The following DOCK4 variants were observed in gnomAD, a reference collection of about 807,000 sequenced individuals.
DOCK4 encodes the protein dedicator of cytokinesis 4.
In DOCK4, 97 loss-of-function variants were observed where a neutral mutation model predicts 268.1. The observed-to-expected ratio is 0.36, with a 90% CI of 0.31 to 0.43. The LOEUF (loss-of-function observed/expected upper bound fraction) is 0.43, where lower values mean the gene tolerates loss of function less well. DOCK4 is among the 20% of genes least tolerant of loss of function. The probability of loss-of-function intolerance (pLI) is 1.00; values close to 1 mark genes in which losing one functional copy is unlikely to be tolerated. For missense variants in DOCK4, 2,145 were observed against 2,455.7 expected (o/e 0.87, Z 2.67); for synonymous variants, 954 against 887.2 (o/e 1.08, Z -1.34).
At position 111,728,535 on chromosome 7, in the gene DOCK4, C is replaced by T; in HGVS notation, c.5667G>A (p.Val1889=). 1.2e-6 allele frequency: 2 copies of T among 1,613,744 alleles called. No homozygotes were observed. The highest frequency in any genetic ancestry group is 2.2e-5 in the South Asian group (2 of 91,076). The change falls in exon 53 of 53, where the codon GTG becomes GTA. Residue 1889 remains valine, a synonymous_variant. Transcript: ENST00000428084. ...NEQSAPLPVP[V]PVPVPSYGGE... ...CGCCGTAGCTCGGCACGGGCACCGG[C>T]ACTGGCACCGGCAGGGGGGCCGACT... is the stretch of plus-strand genomic sequence containing the variant.
chr7:111,744,679 TAAAA>T (rs1796148410), intron 44 of DOCK4, among the ~76,000 whole-genome samples: 2 of 152,298 alleles, frequency 1.3e-5, no homozygotes, highest in South Asian at 4.1e-4. Flanking sequence ...CACAGATCTT[TAAAA>T]ATCAATGAAG....
chr7:111,907,398 G>A (rs1791675803), intron 13 of DOCK4, among the ~76,000 whole-genome samples: 1 of 152,104 alleles, frequency 6.6e-6, no homozygotes, highest in Non-Finnish European at 1.5e-5. Flanking sequence ...GTGGTTCCCT[G>A]TTGCCATCCC....
At chr7:112,069,582 A>C (rs2135660706) in intron 1 of DOCK4, among the ~76,000 whole-genome samples, 1 of 152,318 alleles carries the variant, frequency 6.6e-6, no homozygotes, top group South Asian at 2.1e-4. Flanking sequence ...TTAATGAAAT[A>C]ACACATATAC....
intron 12 of DOCK4, among the ~76,000 whole-genome samples, chr7:111,934,548 T>TTA (rs1794552132): frequency 7.0e-6 from 1 of 143,120 alleles, no homozygotes; most frequent in Non-Finnish European, 1.5e-5. Context: ...TTTTTTTTTT[T>TTA]AGACAGTGTC....
intron 1 of DOCK4, among the ~76,000 whole-genome samples, chr7:112,192,085 T>C (rs896188270): frequency 4.0e-5 from 6 of 149,986 alleles, no homozygotes; most frequent in Non-Finnish European, 8.9e-5. Flanking sequence ...ATATATATAG[T>C]GTGCATTTAT....
intron 1 of DOCK4, among the ~76,000 whole-genome samples, chr7:112,180,923 T>C (rs572468898): frequency 9.0e-4 from 137 of 152,314 alleles, no homozygotes; most frequent in Middle Eastern, 3.4e-3. Context: ...GATAGTTGCA[T>C]TTTTAAGGCA....
In DOCK4 at chr7:111,877,053, C is replaced by A. The variant is rs780021169; in HGVS notation, c.1721G>T (p.Cys574Phe). The change falls in exon 17 of 53, where the codon TGT (cysteine) becomes TTT (phenylalanine). Residue 574 changes from cysteine (C) to phenylalanine (F), a missense_variant. By Grantham distance (205) the Cys-to-Phe change is radical. This residue lies in a region of DOCK4 where 1,598 missense variants were observed against 1,986.7 expected (regional missense o/e 0.80). Transcript: ENST00000428084. ...KESFCITSFL[C>F]STKLTQNGDM... ...ACCATTTTGTGTGAGTTTTGTGGAA[C>A]AGAGAAAAGATGTAATACAAAAGGA... 10 of 1,554,502 alleles carry A rather than the reference C, an allele frequency of 6.4e-6. No individual in the cohort carries two copies. The highest frequency in any genetic ancestry group is 6.1e-6 in the Non-Finnish European group (7 of 1,151,518).
At chr7:111,770,586 T>A (rs3801778) in intron 36 of DOCK4, among the ~76,000 whole-genome samples, 7 of 151,950 alleles carry the variant, frequency 4.6e-5, no homozygotes, top group African/African-American at 1.7e-4. Context: ...TTTTCCTGAA[T>A]TGTAAATATA....
At chr7:112,003,639 T>C (rs748178891) in intron 2 of DOCK4, among the ~76,000 whole-genome samples, 17 of 152,176 alleles carry the variant, frequency 1.1e-4, no homozygotes, top group African/African-American at 2.4e-4. Context: ...TGGAGCAGAG[T>C]TGGCCTGGGC....
At chr7:112,016,951 GATTTCAGCC>G (rs1157553004) in intron 1 of DOCK4, among the ~76,000 whole-genome samples, 1 of 152,068 alleles carries the variant, frequency 6.6e-6, no homozygotes, top group Non-Finnish European at 1.5e-5. Context: ...GCTTTTGAGC[GATTTCAGCC>G]AACATTTTCA....
intron 1 of DOCK4, among the ~76,000 whole-genome samples, chr7:112,195,466 A>C (rs536244956): frequency 8.0e-4 from 122 of 152,150 alleles, no homozygotes; most frequent in Non-Finnish European, 1.3e-3. Flanking sequence ...TTTCTTTGAG[A>C]CCCTGGCTAA....
At chr7:112,064,181 G>T (rs1283733128) in intron 1 of DOCK4, among the ~76,000 whole-genome samples, 1 of 152,180 alleles carries the variant, frequency 6.6e-6, no homozygotes, top group Non-Finnish European at 1.5e-5. Flanking sequence ...AAGCAATGTG[G>T]TTCTAGGGTT....
chr7:112,169,916 A>G (rs1217112717), intron 1 of DOCK4, among the ~76,000 whole-genome samples: 1 of 152,180 alleles, frequency 6.6e-6, no homozygotes, highest in East Asian at 1.9e-4. Flanking sequence ...ACAGTTGTGC[A>G]ACTTCAACTA....
intron 1 of DOCK4, among the ~76,000 whole-genome samples, chr7:112,159,179 TC>T (rs1816870049): frequency 6.6e-6 from 1 of 152,138 alleles, no homozygotes; most frequent in Non-Finnish European, 1.5e-5. Flanking sequence ...TAGCATCTTT[TC>T]AAGTCTCTAC....
intron 13 of DOCK4, 67 bp downstream of exon 13, chr7:111,915,712 T>G (rs1792523002): frequency 6.4e-7 from 1 of 1,550,604 alleles, no homozygotes; most frequent in Admixed American, 2.0e-5. Context: ...TTTGAAAAAT[T>G]TCTCAAACAT....
intron 22 of DOCK4, among the ~76,000 whole-genome samples, chr7:111,865,794 T>C (rs922200670): frequency 2.6e-5 from 4 of 152,200 alleles, no homozygotes; most frequent in Non-Finnish European, 5.9e-5. Flanking sequence ...ATCTGACATA[T>C]TGTTGCTGGA....
chr7:111,804,697 T>G (rs959418830), intron 30 of DOCK4, among the ~76,000 whole-genome samples: 5 of 152,046 alleles, frequency 3.3e-5, no homozygotes, highest in African/African-American at 4.8e-5. Context: ...CCTCCCAGAT[T>G]CAAGCAATTC....
intron 1 of DOCK4, among the ~76,000 whole-genome samples, chr7:112,036,001 T>A (rs1300020695): frequency 1.3e-5 from 2 of 152,046 alleles, no homozygotes; most frequent in African/African-American, 2.4e-5. Context: ...GGAAGTTATC[T>A]ACTAGAGGGA....
chr7:112,072,840 T>C (rs1427681466), intron 1 of DOCK4, among the ~76,000 whole-genome samples: 1 of 152,192 alleles, frequency 6.6e-6, no homozygotes, highest in Non-Finnish European at 1.5e-5. Context: ...GCTTTACTGG[T>C]ATACAACCTT....
Sources: allele counts gnomAD v4.1 joint callset (sites outside exome capture counted in the v4.1 genomes callset), GRCh38; gene constraint gnomAD v4.1.1; regional missense constraint gnomAD v4.1.1; transcripts MANE v1.5; gene names NCBI Gene and HGNC (gene_info 2026-07-23, HGNC 2026-07-21).